Variants in YTHDC1 observed in about 807,000 individuals in gnomAD.
YTHDC1 encodes the protein YTH domain-containing protein 1.
In YTHDC1, 12 loss-of-function variants were observed where a neutral mutation model predicts 107.0. That is an observed-to-expected ratio of 0.11 (90% CI 0.07 to 0.18). The LOEUF (loss-of-function observed/expected upper bound fraction) is 0.18, where lower values mean the gene tolerates loss of function less well. Among genes scored for constraint, YTHDC1 ranks in the 10% least tolerant of loss-of-function variants. The pLI is 1.00. For missense variants in YTHDC1, 635 were observed against 898.8 expected (o/e 0.71, Z 3.75); for synonymous variants, 280 against 289.5 (o/e 0.97, Z 0.33).
chr4:68,332,234 G>T, intron 6 of YTHDC1, 37 bp from the exon 7 acceptor site: 1 of 1,446,770 alleles, frequency 6.9e-7, no homozygotes, highest in Non-Finnish European at 9.5e-7. Flanking sequence ...TTAACCACAA[G>T]CCATTATCAC....
rs1192719774 is a variant in YTHDC1, at chr4:68,314,178, C to T, written c.2105G>A (p.Gly702Glu). The T allele has an allele frequency of 6.2e-7, 1 of 1,613,532 alleles. No individual in the cohort carries two copies. Among genetic ancestry groups the T allele is most frequent in the African/African-American group, 1.3e-5 (1 of 75,014 alleles). ...DNRRDRERDR[G>E]RDRERERERL... is the part of the protein sequence containing the mutation. Reference sequence around the variant, plus strand: ...CTCTCTTTCTCTTTCTCTATCACGTCCTCTATCTCGCTCTCTGTCTCGTCT... The same window carrying T: ...CTCTCTTTCTCTTTCTCTATCACGTTCTCTATCTCGCTCTCTGTCTCGTCT... Residue 702 changes from glycine (G) to glutamate (E), a missense_variant, in exon 17 of 17, where the codon GGA (glycine) becomes GAA (glutamate). Gly to Glu is a moderately conservative substitution (Grantham distance 98). Transcript: ENST00000344157.
intron 9 of YTHDC1, among the ~76,000 whole-genome samples, chr4:68,326,166 G>C (rs1722972112): frequency 6.6e-6 from 1 of 152,034 alleles, no homozygotes; most frequent in Non-Finnish European, 1.5e-5. Context: ...TTAAATATCA[G>C]CAATTAAATA....
At position 68,311,022 on chromosome 4, in the gene YTHDC1, C is replaced by G. The variant is rs944888113; in HGVS notation, c.*3077G>C. On this transcript the variant is annotated 3_prime_UTR_variant, in exon 17 of 17. Coordinates refer to ENST00000344157, the MANE Select transcript of YTHDC1 (RefSeq NM_001031732.4). ...GGACATCTGCTAAATTTCCTCTGTC[C>G]ATGTCTTTTGGAGACTGTCCTTCCT... The G allele has an allele frequency of 6.6e-6, 1 of 152,094 alleles. No individual in the cohort carries two copies. The highest frequency in any genetic ancestry group is 1.5e-5 in the Non-Finnish European group (1 of 68,022). 9.4% of individuals were successfully genotyped at this position (152,094 alleles called of 1,614,324 possible). A position where few individuals can be genotyped will look rare whatever the true frequency, so the allele number is the denominator to read the frequency against.
At chr4:68,318,498 T>G (rs761510444) in intron 15 of YTHDC1, 21 bp downstream of exon 15, 7 of 1,583,486 alleles carry the variant, frequency 4.4e-6, no homozygotes, top group Middle Eastern at 2.1e-4. Context: ...ATGTAACTTA[T>G]AAAAATAGAA....
rs533873314 is a variant in YTHDC1 at position 68,311,955 on chromosome 4, T to G, written c.*2144A>C. On this transcript the variant is annotated 3_prime_UTR_variant, in exon 17 of 17. Coordinates refer to ENST00000344157, the MANE Select transcript of YTHDC1 (RefSeq NM_001031732.4). ...CTTGAGGTCGAGTTTGAGACCAGCCTGGCCAACATGTTGGAACCCCATCTC... is the reference window on the plus strand; with the variant it reads ...CTTGAGGTCGAGTTTGAGACCAGCCGGGCCAACATGTTGGAACCCCATCTC... The G allele has an allele frequency of 1.8e-4, 27 of 152,318 alleles. No individual in the cohort carries two copies. The highest frequency in any genetic ancestry group is 6.5e-4 in the African/African-American group (27 of 41,536). 9.4% of individuals were successfully genotyped at this position (152,318 alleles called of 1,614,324 possible).
At chr4:68,338,113 T>C in intron 2 of YTHDC1, 170 bp downstream of exon 2, 2 of 900,340 alleles carry the variant, frequency 2.2e-6, no homozygotes, top group South Asian at 5.1e-5. Context: ...GTTTCATATA[T>C]TAGAAAAAAA....
intron 4 of YTHDC1, among the ~76,000 whole-genome samples, chr4:68,334,098 C>T (rs116605331): frequency 0.013 from 1,994 of 152,218 alleles, 20 homozygotes; most frequent in Non-Finnish European, 0.018. Context: ...CATGTAAGAA[C>T]CAGTCCCAAG....
At position 68,312,282 on chromosome 4, in the gene YTHDC1, C is replaced by T. The variant is rs909509174; in HGVS notation, c.*1817G>A. ...ATTTAAATGAGTCTGTATATAAAAG[C>T]ACAAAGTCTCTATTGCATACAAAGT... On this transcript the variant is annotated 3_prime_UTR_variant, in exon 17 of 17. Transcript: ENST00000344157. The T allele has an allele frequency of 3.9e-5, 6 of 152,172 alleles. No individual in the cohort carries two copies. The highest frequency in any genetic ancestry group is 7.2e-5 in the African/African-American group (3 of 41,444). The allele number at this position is 152,172 out of a possible 1,614,324, so 9.4% of individuals were successfully genotyped here. A position where few individuals can be genotyped will look rare whatever the true frequency, so the allele number is the denominator to read the frequency against.
intron 9 of YTHDC1, among the ~76,000 whole-genome samples, chr4:68,325,492 A>ACATGC (rs1284275655): frequency 6.6e-6 from 1 of 152,188 alleles, no homozygotes; most frequent in East Asian, 1.9e-4. Context: ...TGCCCAGTGA[A>ACATGC]CATGCCACAT....
intron 16 of YTHDC1, 145 bp downstream of exon 16, chr4:68,316,169 A>T: frequency 1.2e-6 from 1 of 857,184 alleles, no homozygotes; most frequent in Non-Finnish European, 1.6e-6. Flanking sequence ...AGGCATTTTT[A>T]ATAAAAACAA....
rs773986586 is a variant in YTHDC1 at position 68,314,159 on chromosome 4, TTC to T, written c.2122_2123del (p.Glu708LysfsTer6). The T allele has an allele frequency of 1.2e-6, 2 of 1,613,806 alleles. No individual in the cohort carries two copies. Among genetic ancestry groups the T allele is most frequent in the Non-Finnish European group, 8.5e-7 (1 of 1,179,836 alleles). On this transcript the variant is annotated frameshift_variant, in exon 17 of 17. Coordinates refer to ENST00000344157, the MANE Select transcript of YTHDC1 (RefSeq NM_001031732.4). LOFTEE classifies it high-confidence loss of function. ...TGTCTCGATCACATAATCGCTCTCT[TTC>T]TCTTTCTCTATCACGTCCTCTATCT... ...ERDRGRDRER[E>X]RERLCDRDRD...
rs1265319241 is a variant in YTHDC1, at chr4:68,314,166, T to TCTCTATCACGTC, written c.2105_2116dup (p.Gly702_Arg705dup). The TCTCTATCACGTC allele has an allele frequency of 1.2e-6, 2 of 1,613,900 alleles. No homozygotes were observed. The highest frequency in any genetic ancestry group is 1.7e-6 in the Non-Finnish European group (2 of 1,179,894). On this transcript the variant is annotated inframe_insertion, in exon 17 of 17. Coordinates refer to ENST00000344157, the MANE Select transcript of YTHDC1 (RefSeq NM_001031732.4). ...ATCACATAATCGCTCTCTTTCTCTTTCTCTATCACGTCCTCTATCTCGCTC... is the reference window on the plus strand; with the variant it reads ...ATCACATAATCGCTCTCTTTCTCTTTCTCTATCACGTCCTCTATCACGTCCTCTATCTCGCTC...
chr4:68,313,318 A>G lies in YTHDC1; in HGVS notation c.*781T>C, dbSNP rs1721448296. Reference sequence around the variant, plus strand: ...ATTGGATAAGAAAAAGATACAAAAGATAACCGTCAATCTTTACCAATTTAT... The same window carrying G: ...ATTGGATAAGAAAAAGATACAAAAGGTAACCGTCAATCTTTACCAATTTAT... On this transcript the variant is annotated 3_prime_UTR_variant, in exon 17 of 17. Coordinates refer to ENST00000344157, the MANE Select transcript of YTHDC1 (RefSeq NM_001031732.4). The G allele has an allele frequency of 6.6e-6, 1 of 152,650 alleles. No homozygotes were observed. The highest frequency in any genetic ancestry group is 2.1e-4 in the South Asian group (1 of 4,830). 9.5% of individuals were successfully genotyped at this position (152,650 alleles called of 1,614,324 possible). A position where few individuals can be genotyped will look rare whatever the true frequency, so the allele number is the denominator to read the frequency against.
At chr4:68,326,977 T>C (rs1400597000) in intron 9 of YTHDC1, among the ~76,000 whole-genome samples, 5 of 150,998 alleles carry the variant, frequency 3.3e-5, no homozygotes, top group African/African-American at 4.9e-5. Flanking sequence ...CTCATGCCTG[T>C]AGTAATCCCA....
rs898608220 is a variant in YTHDC1 at position 68,311,630 on chromosome 4, T to C, written c.*2469A>G. ...AAATCTTGCATTTTTTATACAATGT[T>C]CCGGTAAGTTTATTTTAAAAATTAG... On this transcript the variant is annotated 3_prime_UTR_variant, in exon 17 of 17. Coordinates refer to ENST00000344157, the MANE Select transcript of YTHDC1 (RefSeq NM_001031732.4). 2.0e-5 allele frequency: 3 copies of C among 152,236 alleles called. No individual in the cohort carries two copies. In the South Asian group the frequency reaches 6.2e-4, roughly 32 times the overall value. 9.4% of individuals were successfully genotyped at this position (152,236 alleles called of 1,614,324 possible).
chr4:68,320,255 CAA>C lies in YTHDC1; in HGVS notation c.1602-52_1602-51del, dbSNP rs778574520. The stretch of plus-strand genomic sequence containing the variant: ...ATTAAACCAAAAACTGCTGGGAGAA[CAA>C]AGAGTAAAGCAAGAGTTTCTGACAG... On this transcript the variant is annotated intron_variant, in intron 11 of 16. Transcript: ENST00000344157. The C allele has an allele frequency of 5.8e-6, 8 of 1,385,964 alleles. No homozygotes were observed. The African/African-American group carries it at 1.2e-4, about 20-fold the overall frequency. The allele number at this position is 1,385,964 out of a possible 1,614,324, so 85.9% of individuals were successfully genotyped here. A position where few individuals can be genotyped will look rare whatever the true frequency, so the allele number is the denominator to read the frequency against.
intron 1 of YTHDC1, among the ~76,000 whole-genome samples, chr4:68,348,342 G>A (rs1725675187): frequency 6.6e-6 from 1 of 152,166 alleles, no homozygotes; most frequent in South Asian, 2.1e-4. Context: ...AAATTAGAAA[G>A]ACAATCAGAT....
rs773135001 is a variant in YTHDC1 at position 68,314,229 on chromosome 4, C to T, written c.2054G>A (p.Arg685Gln). 3.1e-6 allele frequency: 5 copies of T among 1,613,860 alleles called. No individual in the cohort carries two copies. Among genetic ancestry groups the T allele is most frequent in the Non-Finnish European group, 3.4e-6 (4 of 1,179,916 alleles). The change falls in exon 17 of 17, where the codon CGA (arginine) becomes CAA (glutamine). Residue 685 changes from arginine (R) to glutamine (Q), a missense_variant. Transcript: ENST00000344157. ...GTTATCTCTAGGGCGGTCTCGCTCT[C>T]GTTCCCGGTCTCTTTCACGGGGTCT... Reference protein sequence around the residue: ...RSRPRERDRERERDRPRDNRR... With the variant: ...RSRPRERDREQERDRPRDNRR...
In YTHDC1 at chr4:68,330,326, A is replaced by T. The variant is rs201064149; in HGVS notation, c.1123-16T>A. The T allele has an allele frequency of 6.9e-6, 10 of 1,457,348 alleles. No homozygotes were observed. The highest frequency in any genetic ancestry group is 9.2e-6 in the Non-Finnish European group (10 of 1,085,404). 90.3% of individuals were successfully genotyped at this position (1,457,348 alleles called of 1,614,324 possible). ...ACCATACACCCTACATAAATAACATAAAGACCACAAAGTGAAATTAACTAC... is the reference window on the plus strand; with the variant it reads ...ACCATACACCCTACATAAATAACATTAAGACCACAAAGTGAAATTAACTAC... On this transcript the variant is annotated splice_polypyrimidine_tract_variant and intron_variant, in intron 7 of 16. Coordinates refer to ENST00000344157, the MANE Select transcript of YTHDC1 (RefSeq NM_001031732.4).
Sources: allele counts gnomAD v4.1 joint callset (sites outside exome capture counted in the v4.1 genomes callset), GRCh38; gene constraint gnomAD v4.1.1; transcripts MANE v1.5; gene names NCBI Gene and HGNC (gene_info 2026-07-23, HGNC 2026-07-21).